The following ADAM12 variants were observed in gnomAD, a reference collection of about 807,000 sequenced individuals.
ADAM12 encodes the protein ADAM metallopeptidase domain 12.
ADAM12 carries 70 observed loss-of-function variants against 106.4 expected under a neutral mutation model. That is an observed-to-expected ratio of 0.66 (90% CI 0.54 to 0.80). ADAM12 has a LOEUF of 0.80. Among genes scored for constraint, ADAM12 ranks in the 30% least tolerant of loss-of-function variants. The probability of loss-of-function intolerance (pLI) is 0.00; values close to 1 mark genes in which losing one functional copy is unlikely to be tolerated. For synonymous variants in ADAM12, 420 were observed against 433.5 expected, an observed-to-expected ratio of 0.97 and a Z score of 0.39; for missense variants, 1,010 against 1,171.9, an observed-to-expected ratio of 0.86 and a Z score of 2.02.
At chr10:126,171,393 G>C (rs1957117968) in intron 3 of ADAM12, among the ~76,000 whole-genome samples, 1 of 152,118 alleles carries the variant, frequency 6.6e-6, no homozygotes, top group South Asian at 2.1e-4. Context: ...CCGTGGCAGG[G>C]GTGGTTAGTT....
chr10:126,266,003 A>G (rs1959088878), intron 3 of ADAM12, among the ~76,000 whole-genome samples: 1 of 152,208 alleles, frequency 6.6e-6, no homozygotes, highest in Non-Finnish European at 1.5e-5. Flanking sequence ...TTAGCAATAC[A>G]TATGTCAGAA....
intron 3 of ADAM12, among the ~76,000 whole-genome samples, chr10:126,237,470 T>C (rs1480771896): frequency 1.3e-5 from 2 of 152,216 alleles, no homozygotes; most frequent in African/African-American, 2.4e-5. Context: ...TTCCTCTCAC[T>C]GAATTATTTT....
intron 3 of ADAM12, among the ~76,000 whole-genome samples, chr10:126,159,000 G>A (rs1956882948): frequency 6.6e-6 from 1 of 152,082 alleles, no homozygotes; most frequent in African/African-American, 2.4e-5. Flanking sequence ...ACCCATAGTG[G>A]CCTCAATAGT....
intron 1 of ADAM12, among the ~76,000 whole-genome samples, chr10:126,342,754 C>T (rs932174137): frequency 2.0e-5 from 3 of 152,196 alleles, no homozygotes; most frequent in African/African-American, 7.2e-5. Context: ...AAAATCCACA[C>T]TAATGATGCA....
intron 3 of ADAM12, among the ~76,000 whole-genome samples, chr10:126,270,713 G>A (rs1383235191): frequency 6.6e-6 from 1 of 152,128 alleles, no homozygotes; most frequent in Admixed American, 6.5e-5. Flanking sequence ...TGATGCTGGT[G>A]GTCTTGAAGC....
intron 3 of ADAM12, among the ~76,000 whole-genome samples, chr10:126,198,284 C>A (rs1390034068): frequency 1.3e-5 from 2 of 152,192 alleles, no homozygotes; most frequent in Admixed American, 1.3e-4. Flanking sequence ...CCTGCCATGG[C>A]AGAGGGGAGG....
chr10:126,041,913 AAGC>A lies in ADAM12; in HGVS notation c.2104+1124_2104+1126del, dbSNP rs1954181416. 6 of 1,410,922 alleles carry A rather than the reference AAGC, an allele frequency of 4.3e-6. No homozygotes were observed. In the African/African-American group the frequency reaches 7.2e-5, roughly 17 times the overall value. 87.4% of individuals were successfully genotyped at this position (1,410,922 alleles called of 1,614,324 possible). A position where few individuals can be genotyped will look rare whatever the true frequency, so the allele number is the denominator to read the frequency against. ...CTGAAGCATGTCCATGTTTTAGCAGAAGCTCAACCAGGAAGTCGCTGCCCTTCC... is the reference window on the plus strand; with the variant it reads ...CTGAAGCATGTCCATGTTTTAGCAGATCAACCAGGAAGTCGCTGCCCTTCC... On this transcript the variant is annotated intron_variant, in intron 18 of 22. Coordinates refer to ENST00000448723, the MANE Select transcript of ADAM12 (RefSeq NM_001288973.2).
chr10:126,293,087 C>T (rs564206527), intron 2 of ADAM12, among the ~76,000 whole-genome samples: 1 of 152,304 alleles, frequency 6.6e-6, no homozygotes, highest in South Asian at 2.1e-4. Flanking sequence ...GCCAGCAACC[C>T]ACAAGGCTCC....
At chr10:126,387,973 C>A in intron 1 of ADAM12, 85 bp downstream of exon 1, 1 of 1,175,920 alleles carries the variant, frequency 8.5e-7, no homozygotes, top group Non-Finnish European at 1.1e-6. Context: ...CCCCTCGGGG[C>A]AGCCCTGGAC....
chr10:126,264,191 A>G (rs1009609153), intron 3 of ADAM12, among the ~76,000 whole-genome samples: 4 of 152,222 alleles, frequency 2.6e-5, no homozygotes, highest in African/African-American at 9.6e-5. Context: ...ACAACTCCCA[A>G]GGAACTTCTG....
chr10:126,379,501 T>C (rs1300530381), intron 1 of ADAM12, among the ~76,000 whole-genome samples: 3 of 151,254 alleles, frequency 2.0e-5, no homozygotes, highest in African/African-American at 7.3e-5. Context: ...TGAGAACACA[T>C]GGACATAGGG....
At chr10:126,137,819 T>C (rs1335747127) in intron 4 of ADAM12, among the ~76,000 whole-genome samples, 1 of 152,252 alleles carries the variant, frequency 6.6e-6, no homozygotes, top group Non-Finnish European at 1.5e-5. Context: ...TTTTTGACTA[T>C]TATGAGTAAC....
At chr10:126,227,816 G>GA (rs1281547342) in intron 3 of ADAM12, among the ~76,000 whole-genome samples, 4 of 152,084 alleles carry the variant, frequency 2.6e-5, no homozygotes, top group East Asian at 1.9e-4. Flanking sequence ...CAAAGAGGCA[G>GA]AAAAAAATGG....
At chr10:126,046,865 A>G (rs985751628) in intron 16 of ADAM12, among the ~76,000 whole-genome samples, 10 of 148,134 alleles carry the variant, frequency 6.8e-5, no homozygotes, top group African/African-American at 2.5e-4. Flanking sequence ...TCCTTATCCC[A>G]GGGCCTGGAT....
At chr10:126,140,999 T>G (rs1956499815) in intron 4 of ADAM12, among the ~76,000 whole-genome samples, 1 of 152,214 alleles carries the variant, frequency 6.6e-6, no homozygotes, top group African/African-American at 2.4e-5. Context: ...CAGGTGAGCC[T>G]GTGCCCTGCC....
rs11244930 is a variant in ADAM12 at position 126,271,923 on chromosome 10, T to C, written c.260+6992A>G. On this transcript the variant is annotated intron_variant, in intron 3 of 22. Coordinates refer to ENST00000448723, the MANE Select transcript of ADAM12 (RefSeq NM_001288973.2). ...CCTCTGTCTCTCTCCTTCTTGGTCA[T>C]CAGTACAAAGACCTTCTAGAATCTG... 5.6e-3 allele frequency among the ~76,000 whole-genome samples: 854 copies of C among 152,318 alleles called. 10 individuals carry two copies. The highest frequency in any genetic ancestry group is 0.019 in the African/African-American group (776 of 41,572).
intron 3 of ADAM12, among the ~76,000 whole-genome samples, chr10:126,195,796 T>C (rs7899189): frequency 0.02 from 3,070 of 152,198 alleles, 119 homozygotes; most frequent in African/African-American, 0.07. Context: ...TCTATTTATA[T>C]GATACAATTT....
At chr10:126,037,539 A>G (rs778724604) in intron 20 of ADAM12, among the ~76,000 whole-genome samples, 8 of 152,092 alleles carry the variant, frequency 5.3e-5, no homozygotes, top group Admixed American at 2.6e-4. Flanking sequence ...TTTGACACCA[A>G]TCTTGTTCAC....
At chr10:126,380,561 A>C (rs1310776648) in intron 1 of ADAM12, among the ~76,000 whole-genome samples, 4 of 152,228 alleles carry the variant, frequency 2.6e-5, no homozygotes, top group African/African-American at 9.6e-5. Context: ...TAGTGCACGC[A>C]AAGACCTGCG....
Sources: gnomAD v4.1 joint callset for allele counts (sites outside exome capture counted in the v4.1 genomes callset) on GRCh38, gnomAD v4.1.1 for gene constraint, MANE v1.5 for transcripts, NCBI Gene and HGNC (gene_info 2026-07-23, HGNC 2026-07-21) for gene names.